The following JAKMIP1 variants were observed in gnomAD, a reference collection of about 807,000 sequenced individuals.
The protein encoded by JAKMIP1 is janus kinase and microtubule interacting protein 1, also known as janus kinase and microtubule-interacting protein 1.
In JAKMIP1, 33 loss-of-function variants were observed where a neutral mutation model predicts 113.0. The observed-to-expected ratio is 0.29, with a 90% CI of 0.22 to 0.39. The LOEUF (loss-of-function observed/expected upper bound fraction) is 0.39, where lower values mean the gene tolerates loss of function less well. Ranked by LOEUF, JAKMIP1 falls within the 10% of genes least tolerant of loss-of-function variation. The pLI is 1.00. For missense variants in JAKMIP1, 813 were observed against 1,080.5 expected, an observed-to-expected ratio of 0.75 and a Z score of 3.47; for synonymous variants, 480 against 459.9, an observed-to-expected ratio of 1.04 and a Z score of -0.56.
chr4:6,046,255 G>T (rs1315277836), intron 16 of JAKMIP1, among the ~76,000 whole-genome samples: 5 of 152,234 alleles, frequency 3.3e-5, no homozygotes, highest in African/African-American at 1.2e-4. Flanking sequence ...TTCTGGACCT[G>T]AGGAGCTCTT....
Position 6,139,951 on chromosome 4 carries a change from C to T in JAKMIP1, c.-147-26954G>A, listed in dbSNP as rs1034849665. Among the ~76,000 whole-genome samples, 4 of 152,174 alleles carry T rather than the reference C, an allele frequency of 2.6e-5. No individual in the cohort carries two copies. Among genetic ancestry groups the T allele is most frequent in the African/African-American group, 9.6e-5 (4 of 41,482 alleles). On this transcript the variant is annotated intron_variant, in intron 1 of 20. Coordinates refer to ENST00000409021, the MANE Select transcript of JAKMIP1 (RefSeq NM_001099433.2). The surrounding 1 kb of genome is among the most constrained non-coding windows in gnomAD (Gnocchi z 5.2). ...CCAGGGGAGAGGCCTGGGGCAGAGT[C>T]CCCTCGCAGCCTCAGATGGGGTCAA... is the stretch of plus-strand genomic sequence containing the variant.
intron 1 of JAKMIP1, among the ~76,000 whole-genome samples, chr4:6,152,789 AAT>A (rs35192547): frequency 0.095 from 12,804 of 135,152 alleles, 688 homozygotes; most frequent in Middle Eastern, 0.13. Context: ...TAAAAATACA[AAT>A]ATATATATAT....
chr4:6,080,120 C>G lies in JAKMIP1; in HGVS notation c.1242+52G>C. 3.3e-6 allele frequency: 5 copies of G among 1,527,728 alleles called. No homozygotes were observed. The highest frequency in any genetic ancestry group is 4.4e-6 in the Non-Finnish European group (5 of 1,134,116). The allele number at this position is 1,527,728 out of a possible 1,614,324, so 94.6% of individuals were successfully genotyped here. A position where few individuals can be genotyped will look rare whatever the true frequency, so the allele number is the denominator to read the frequency against. On this transcript the variant is annotated intron_variant, in intron 7 of 20. Transcript: ENST00000409021. This position sits in a 1 kb window ranked among gnomAD's most constrained non-coding sequence, Gnocchi z 6.0. ...CAACACCCGTTCCTGACACCCATGT[C>G]AGCTGGTGCCACCCCTGCCAGGGGC... is the stretch of plus-strand genomic sequence containing the variant.
Position 6,181,166 on chromosome 4 carries a change from G to T in JAKMIP1, c.-148+19087C>A, listed in dbSNP as rs907959188. On this transcript the variant is annotated intron_variant, in intron 1 of 20. Transcript: ENST00000409021. This position sits in a 1 kb window ranked among gnomAD's most constrained non-coding sequence, Gnocchi z 5.4. ...TTGATATGACTAGATGCTGAACAGG[G>T]CGCTCCTTGACAGACACCTACCAAA... Among the ~76,000 whole-genome samples the T allele has an allele frequency of 6.6e-6, 1 of 152,098 alleles. No individual in the cohort carries two copies. The highest frequency in any genetic ancestry group is 1.5e-5 in the Non-Finnish European group (1 of 68,022).
In JAKMIP1 at chr4:6,139,063, C is replaced by T. The variant is rs1408919094; in HGVS notation, c.-147-26066G>A. The stretch of plus-strand genomic sequence containing the variant: ...CATGTGACATCATTAGAAACACACA[C>T]ACACACACACACACACACACATATA... On this transcript the variant is annotated intron_variant, in intron 1 of 20. Transcript: ENST00000409021. The surrounding 1 kb of genome is among the most constrained non-coding windows in gnomAD (Gnocchi z 5.2). 6.8e-6 allele frequency among the ~76,000 whole-genome samples: 1 copy of T among 146,398 alleles called. No homozygotes were observed. The highest frequency in any genetic ancestry group is 2.7e-5 in the African/African-American group (1 of 37,540).
At chr4:6,105,174 T>C (rs1008707427) in intron 3 of JAKMIP1, among the ~76,000 whole-genome samples, 6 of 152,228 alleles carry the variant, frequency 3.9e-5, no homozygotes, top group African/African-American at 1.4e-4. Flanking sequence ...CTGCTCATGG[T>C]TGTTGAAGTA....
chr4:6,152,970 T>C (rs964577295), intron 1 of JAKMIP1, among the ~76,000 whole-genome samples: 2 of 151,856 alleles, frequency 1.3e-5, no homozygotes, highest in African/African-American at 2.4e-5. Flanking sequence ...AGACTCCGTC[T>C]CAAAAAAACA....
Position 6,061,322 on chromosome 4 carries a change from C to A in JAKMIP1, c.1561-815G>T, listed in dbSNP as rs6446450. Reference sequence around the variant, plus strand: ...ACTGGGCCTTTTATGGTGGGACAAGCAGCTTCCCTCCCTGCTGACCTCACT... The same window carrying A: ...ACTGGGCCTTTTATGGTGGGACAAGAAGCTTCCCTCCCTGCTGACCTCACT... On this transcript the variant is annotated intron_variant, in intron 10 of 20. Transcript: ENST00000409021. The surrounding 1 kb of genome is among the most constrained non-coding windows in gnomAD (Gnocchi z 5.3). Among the ~76,000 whole-genome samples the A allele has an allele frequency of 0.24, 36,732 of 152,100 alleles. 7,588 individuals are homozygous for A. Among genetic ancestry groups the A allele is most frequent in the African/African-American group, 0.57 (23,426 of 41,444 alleles).
intron 1 of JAKMIP1, among the ~76,000 whole-genome samples, chr4:6,115,049 G>A (rs745757140): frequency 3.3e-5 from 5 of 152,236 alleles, no homozygotes; most frequent in Non-Finnish European, 5.9e-5. Flanking sequence ...AGTAAATGAT[G>A]TCTAAGCCCC....
Position 6,029,801 on chromosome 4 carries a change from G to T in JAKMIP1, c.2380-20C>A, listed in dbSNP as rs201555526. ...GATTCTCTGAAATACACCAGGTTAC[G>T]TGTCAGAAAAAGTAAGTTTTCCAGG... On this transcript the variant is annotated intron_variant, in intron 19 of 20. Transcript: ENST00000409021. 1 of 1,567,854 alleles carries T rather than the reference G, an allele frequency of 6.4e-7. No homozygotes were observed. The highest frequency in any genetic ancestry group is 8.7e-7 in the Non-Finnish European group (1 of 1,146,530).
intron 20 of JAKMIP1, among the ~76,000 whole-genome samples, chr4:6,028,432 G>A (rs552595883): frequency 6.6e-6 from 1 of 152,232 alleles, no homozygotes; most frequent in African/African-American, 2.4e-5. Flanking sequence ...AGATGGGAAG[G>A]TGATTTCATC....
At position 6,050,007 on chromosome 4, in the gene JAKMIP1, C is replaced by T. The variant is rs1715456788; in HGVS notation, c.1909-135G>A. The stretch of plus-strand genomic sequence containing the variant: ...TTTTCTGGCCAAGTTTTGCGCCCAG[C>T]CGTTCCTCTGGGGAGTGAGGGAGAG... On this transcript the variant is annotated intron_variant, in intron 14 of 20. Coordinates refer to ENST00000409021, the MANE Select transcript of JAKMIP1 (RefSeq NM_001099433.2). This position sits in a 1 kb window ranked among gnomAD's most constrained non-coding sequence, Gnocchi z 7.4. 1.5e-6 allele frequency: 1 copy of T among 654,104 alleles called. No individual in the cohort carries two copies. The highest frequency in any genetic ancestry group is 2.6e-5 in the Admixed American group (1 of 38,948). 40.5% of individuals were successfully genotyped at this position (654,104 alleles called of 1,614,324 possible). A position where few individuals can be genotyped will look rare whatever the true frequency, so the allele number is the denominator to read the frequency against.
chr4:6,086,037 G>A lies in JAKMIP1; in HGVS notation c.625-408C>T, dbSNP rs771574046. Among the ~76,000 whole-genome samples the A allele has an allele frequency of 5.9e-5, 9 of 151,830 alleles. No homozygotes were observed. The highest frequency in any genetic ancestry group is 1.3e-4 in the Admixed American group (2 of 15,258). On this transcript the variant is annotated intron_variant, in intron 3 of 20. Coordinates refer to ENST00000409021, the MANE Select transcript of JAKMIP1 (RefSeq NM_001099433.2). The surrounding 1 kb of genome is among the most constrained non-coding windows in gnomAD (Gnocchi z 4.1). ...CCCTCTCAGTCATTGACCCTCTCCT[G>A]CCTGGCCACAACTCCCCAACCCTCA...
intron 1 of JAKMIP1, among the ~76,000 whole-genome samples, chr4:6,122,991 C>T (rs904751005): frequency 1.3e-5 from 2 of 152,270 alleles, no homozygotes; most frequent in Non-Finnish European, 2.9e-5. Flanking sequence ...AATAAGGACT[C>T]GGTAACAGTT....
intron 1 of JAKMIP1, among the ~76,000 whole-genome samples, chr4:6,196,465 C>A (rs973310785): frequency 1.3e-5 from 2 of 152,226 alleles, no homozygotes; most frequent in African/African-American, 4.8e-5. Context: ...GCTGTGGTCC[C>A]ACCAGTGGCC....
At chr4:6,053,882 T>A in intron 13 of JAKMIP1, 168 bp downstream of exon 13, 1 of 1,513,330 alleles carries the variant, frequency 6.6e-7, no homozygotes, top group South Asian at 1.4e-5. Flanking sequence ...GTGAAATTAT[T>A]CTGAACATAC....
At chr4:6,191,913 TTTTA>T (rs55740817) in intron 1 of JAKMIP1, among the ~76,000 whole-genome samples, 133 of 141,110 alleles carry the variant, frequency 9.4e-4, no homozygotes, top group Admixed American at 1.6e-3. Context: ...CAGGAGTGCA[TTTTA>T]TTTATTTATT....
chr4:6,029,257 C>T (rs1284515697), intron 20 of JAKMIP1, among the ~76,000 whole-genome samples: 4 of 152,198 alleles, frequency 2.6e-5, no homozygotes, highest in Admixed American at 6.5e-5. Context: ...CATTGAGAGG[C>T]CAGCCTCACG....
In JAKMIP1 at chr4:6,061,892, G is replaced by T. The variant is rs1443700225; in HGVS notation, c.1560+420C>A. Among the ~76,000 whole-genome samples the T allele has an allele frequency of 1.3e-5, 2 of 152,170 alleles. No homozygotes were observed. Among genetic ancestry groups the T allele is most frequent in the Non-Finnish European group, 2.9e-5 (2 of 68,036 alleles). ...GACTGAGGTGGTCACAGGGCCCAGA[G>T]TGCCTTGGTGGCTGGGGAGCACCCT... On this transcript the variant is annotated intron_variant, in intron 10 of 20. Coordinates refer to ENST00000409021, the MANE Select transcript of JAKMIP1 (RefSeq NM_001099433.2). The surrounding 1 kb of genome is among the most constrained non-coding windows in gnomAD (Gnocchi z 5.3).
Sources: allele counts gnomAD v4.1 joint callset (sites outside exome capture counted in the v4.1 genomes callset), GRCh38; gene constraint gnomAD v4.1.1; non-coding constraint Gnocchi (gnomAD v3.1); transcripts MANE v1.5; gene names NCBI Gene and HGNC (gene_info 2026-07-23, HGNC 2026-07-21).